SUGCT: variants seen among roughly 807,000 people sequenced by gnomAD.
SUGCT encodes the protein succinyl-CoA:glutarate CoA-transferase.
Under a neutral mutation model 55.0 loss-of-function variants are expected in SUGCT, and 41 were observed. That is an observed-to-expected ratio of 0.74 (90% CI 0.58 to 0.97). The LOEUF is 0.97. Ranked by LOEUF, SUGCT falls within the 50% of genes least tolerant of loss-of-function variation. The pLI is 0.00. For missense variants in SUGCT, 568 were observed against 547.8 expected, an observed-to-expected ratio of 1.04 and a Z score of -0.37; for synonymous variants, 187 against 200.4, an observed-to-expected ratio of 0.93 and a Z score of 0.56.
the SUGCT span, among the ~76,000 whole-genome samples, chr7:40,961,476 T>G: frequency 6.6e-6 from 1 of 152,196 alleles, no homozygotes; most frequent in Non-Finnish European, 1.5e-5. Context: ...TGGGTTTTGC[T>G]AGGATGGACT....
chr7:40,737,065 C>G (rs1023666922), intron 12 of SUGCT, among the ~76,000 whole-genome samples: 1 of 152,102 alleles, frequency 6.6e-6, no homozygotes, highest in Non-Finnish European at 1.5e-5. Context: ...CTGTGGTTCT[C>G]AAACTATGTA....
intron 9 of SUGCT, among the ~76,000 whole-genome samples, chr7:40,412,078 A>T (rs565518997): frequency 1.3e-5 from 2 of 152,254 alleles, no homozygotes; most frequent in South Asian, 4.1e-4. Flanking sequence ...GGCATTCTTG[A>T]TGGCAAATAT....
intron 12 of SUGCT, among the ~76,000 whole-genome samples, chr7:40,658,318 A>T (rs966503033): frequency 6.6e-6 from 1 of 152,188 alleles, no homozygotes; most frequent in Non-Finnish European, 1.5e-5. Flanking sequence ...CAACTCTGTT[A>T]TGTTGAACCC....
the SUGCT span, among the ~76,000 whole-genome samples, chr7:40,894,482 TGAAGAAC>T: frequency 6.6e-6 from 1 of 152,216 alleles, no homozygotes; most frequent in East Asian, 1.9e-4. Context: ...CTAGTTAAAC[TGAAGAAC>T]TTCTGCACAG....
At chr7:40,938,805 A>G in the SUGCT span, among the ~76,000 whole-genome samples, 1 of 152,154 alleles carries the variant, frequency 6.6e-6, no homozygotes, top group African/African-American at 2.4e-5. Context: ...TTCACTTAGA[A>G]TAATGACCTC....
chr7:40,472,340 A>G lies in SUGCT; in HGVS notation c.986+13142A>G, dbSNP rs557030444. 3.9e-5 allele frequency among the ~76,000 whole-genome samples: 6 copies of G among 152,160 alleles called. No individual in the cohort carries two copies. The South Asian group carries it at 1.2e-3, about 31-fold the overall frequency. ...GCTTACTTTGGAATATTCTGTATTCACTAAAAATTAAATTTGCCACAGATC... is the reference window on the plus strand; with the variant it reads ...GCTTACTTTGGAATATTCTGTATTCGCTAAAAATTAAATTTGCCACAGATC... On this transcript the variant is annotated intron_variant, in intron 11 of 13. Coordinates refer to ENST00000335693, the MANE Select transcript of SUGCT (RefSeq NM_001193313.2).
chr7:40,361,660 A>G (rs1364644685), intron 9 of SUGCT, among the ~76,000 whole-genome samples: 3 of 152,182 alleles, frequency 2.0e-5, no homozygotes, highest in Non-Finnish European at 4.4e-5. Flanking sequence ...TTTTAATTTA[A>G]AAAGCAAGCA....
intron 9 of SUGCT, among the ~76,000 whole-genome samples, chr7:40,439,068 A>ATG (rs1788342873): frequency 5.8e-5 from 2 of 34,452 alleles, no homozygotes; most frequent in South Asian, 1.0e-3. Flanking sequence ...TATGGTGTAT[A>ATG]TATATATATA....
the SUGCT span, among the ~76,000 whole-genome samples, chr7:40,983,615 A>G: frequency 1.4e-4 from 22 of 152,212 alleles, no homozygotes; most frequent in Non-Finnish European, 2.8e-4. Context: ...CAGAGGAGAC[A>G]GAGCAGCCTC....
At position 40,359,411 on chromosome 7, in the gene SUGCT, G is replaced by T. The variant is rs541901500; in HGVS notation, c.816+42556G>T. 1.1e-4 allele frequency among the ~76,000 whole-genome samples: 16 copies of T among 152,186 alleles called. 1 individual carries two copies. In the South Asian group the frequency reaches 3.3e-3, roughly 32 times the overall value. On this transcript the variant is annotated intron_variant, in intron 9 of 13. Coordinates refer to ENST00000335693, the MANE Select transcript of SUGCT (RefSeq NM_001193313.2). ...GTACCGACAGGATTTCATCATGTTG[G>T]TCAGGCTGGTCTCAAACTCCTGACC...
At chr7:40,245,424 T>TATATATATATATATATATA (rs59609393) in intron 7 of SUGCT, among the ~76,000 whole-genome samples, 68 of 11,526 alleles carry the variant, frequency 5.9e-3, no homozygotes, top group South Asian at 0.018. Flanking sequence ...TATATATATA[T>TATATATATATATATATATA]TTTTTTTTTT....
At chr7:40,718,974 A>G (rs1786172482) in intron 12 of SUGCT, among the ~76,000 whole-genome samples, 1 of 152,260 alleles carries the variant, frequency 6.6e-6, no homozygotes, top group Non-Finnish European at 1.5e-5. Flanking sequence ...ATTAAGGCCA[A>G]TTTGGAAATT....
At chr7:40,605,639 G>A (rs1455962337) in intron 12 of SUGCT, among the ~76,000 whole-genome samples, 2 of 152,156 alleles carry the variant, frequency 1.3e-5, no homozygotes, top group South Asian at 2.1e-4. Context: ...GAGAAACTCC[G>A]TCCAGAGGAG....
chr7:40,439,664 A>T (rs564501203), intron 9 of SUGCT, among the ~76,000 whole-genome samples: 1 of 152,080 alleles, frequency 6.6e-6, no homozygotes, highest in Non-Finnish European at 1.5e-5. Flanking sequence ...TTTCATTCTC[A>T]TAACTCCCCA....
At chr7:40,145,295 C>T (rs748875739) in intron 1 of SUGCT, among the ~76,000 whole-genome samples, 9 of 152,174 alleles carry the variant, frequency 5.9e-5, no homozygotes, top group Admixed American at 5.9e-4. Context: ...AATAGTTTTA[C>T]AATCAAGAGG....
rs541962382 is a variant in SUGCT at position 40,688,236 on chromosome 7, G to A, written c.1090-61198G>A. Among the ~76,000 whole-genome samples the A allele has an allele frequency of 1.3e-5, 2 of 152,126 alleles. 1 individual carries two copies. The highest frequency in any genetic ancestry group is 4.2e-4 in the South Asian group (2 of 4,818). On this transcript the variant is annotated intron_variant, in intron 12 of 13. Coordinates refer to ENST00000335693, the MANE Select transcript of SUGCT (RefSeq NM_001193313.2). ...TGACAATGTTGCAGTTGAAGCCATTGGAGACCCAGTCTTTCTCTGTTACAC... is the reference window on the plus strand; with the variant it reads ...TGACAATGTTGCAGTTGAAGCCATTAGAGACCCAGTCTTTCTCTGTTACAC...
chr7:40,528,810 T>A (rs1301939960), intron 12 of SUGCT, among the ~76,000 whole-genome samples: 1 of 152,152 alleles, frequency 6.6e-6, no homozygotes, highest in East Asian at 1.9e-4. Context: ...ATTCATTGCT[T>A]CTTGCACAGG....
At chr7:40,873,251 T>C in the SUGCT span, among the ~76,000 whole-genome samples, 1 of 152,206 alleles carries the variant, frequency 6.6e-6, no homozygotes, top group African/African-American at 2.4e-5. Flanking sequence ...AAAATTACTT[T>C]GCCAAAGGAA....
intron 6 of SUGCT, among the ~76,000 whole-genome samples, chr7:40,231,197 G>A (rs1051051508): frequency 6.6e-6 from 1 of 152,130 alleles, no homozygotes; most frequent in Non-Finnish European, 1.5e-5. Context: ...ATCACTGGAG[G>A]GAGCAGAGGT....
Sources: allele counts gnomAD v4.1 joint callset (sites outside exome capture counted in the v4.1 genomes callset), GRCh38; gene constraint gnomAD v4.1.1; transcripts MANE v1.5; gene names NCBI Gene and HGNC (gene_info 2026-07-23, HGNC 2026-07-21).